CENPL: variants seen among roughly 807,000 people sequenced by gnomAD.
CENPL encodes the protein centromere protein L, also known as interphase centromere complex protein 33.
A neutral mutation model predicts 35.2 loss-of-function variants in CENPL; 20 were observed. That is an observed-to-expected ratio of 0.57 (90% CI 0.40 to 0.83). The LOEUF is 0.83. CENPL is among the 40% of genes least tolerant of loss of function. CENPL has a pLI of 0.00. For synonymous variants in CENPL, 140 were observed against 140.6 expected, an observed-to-expected ratio of 1.00 and a Z score of 0.03; for missense variants, 363 against 395.8, an observed-to-expected ratio of 0.92 and a Z score of 0.70.
At position 173,807,342 on chromosome 1, in the gene CENPL, G is replaced by A; in HGVS notation, c.345C>T (p.Phe115=). ...GAGTAGAAAAAATCACTTTGATGTT[G>A]AAGTCTTCTCCCACTTCCACAGCAA... ...KGLAVEVGED[F]NIKVIFSTLL... The change falls in exon 4 of 6, where the codon TTC becomes TTT. Residue 115 remains phenylalanine, a synonymous_variant. Coordinates refer to ENST00000682279, the MANE Select transcript of CENPL (RefSeq NM_001387287.1). The A allele has an allele frequency of 6.2e-7, 1 of 1,613,562 alleles. No homozygotes were observed. Among genetic ancestry groups the A allele is most frequent in the South Asian group, 1.1e-5 (1 of 91,026 alleles).
At chr1:173,817,112 T>C (rs1187090386) in intron 2 of CENPL, among the ~76,000 whole-genome samples, 1 of 151,372 alleles carries the variant, frequency 6.6e-6, no homozygotes, top group African/African-American at 2.4e-5. Context: ...CACTCTAGCC[T>C]GGGTGACAGA....
chr1:173,805,850 T>A (rs867385852), intron 4 of CENPL, among the ~76,000 whole-genome samples: 10 of 152,128 alleles, frequency 6.6e-5, no homozygotes, highest in Middle Eastern at 3.4e-3. Flanking sequence ...CACTTTTTTT[T>A]TAAAAAAAGA....
chr1:173,823,736 C>T (rs1214960518), intron 2 of CENPL, 190 bp downstream of exon 2: 1 of 152,196 alleles, frequency 6.6e-6, no homozygotes, highest in African/African-American at 2.4e-5. Context: ...CGTGAAGGGG[C>T]TCTGACTTGA....
At position 173,800,097 on chromosome 1, in the gene CENPL, T is replaced by C. The variant is rs748234543; in HGVS notation, c.*351A>G. 2.1e-4 allele frequency: 33 copies of C among 155,736 alleles called. No individual in the cohort carries two copies. Among genetic ancestry groups the C allele is most frequent in the Non-Finnish European group, 3.7e-4 (26 of 70,398 alleles). The allele number at this position is 155,736 out of a possible 1,614,324, so 9.6% of individuals were successfully genotyped here. On this transcript the variant is annotated 3_prime_UTR_variant, in exon 6 of 6. Transcript: ENST00000682279. ...CTGGTCTTGAATTCCTGGCCTCAAA[T>C]GATCCACCCACCTCAGCCTCCCAAA...
chr1:173,809,870 G>C (rs182876337), intron 3 of CENPL, among the ~76,000 whole-genome samples: 1 of 152,160 alleles, frequency 6.6e-6, no homozygotes, highest in South Asian at 2.1e-4. Flanking sequence ...ACAGATGCTG[G>C]TGAGGTTGTG....
chr1:173,803,366 T>C lies in CENPL; in HGVS notation c.560A>G (p.Asn187Ser). ...DFTCLPLFLA[N>S]GAESNTAIIG... ...TATTGCTGTGTTAGACTCTGCTCCA[T>C]TTGCAAGGAATAAGGGCAGACAGGT... The change falls in exon 5 of 6, where the codon AAT becomes AGT. Residue 187 changes from asparagine (N) to serine (S), a missense_variant. By Grantham distance (46) the Asn-to-Ser change is conservative. Coordinates refer to ENST00000682279, the MANE Select transcript of CENPL (RefSeq NM_001387287.1). The C allele has an allele frequency of 6.2e-7, 1 of 1,614,108 alleles. No individual in the cohort carries two copies. Among genetic ancestry groups the C allele is most frequent in the Non-Finnish European group, 8.5e-7 (1 of 1,179,956 alleles).
At chr1:173,820,460 G>A (rs1651839279) in intron 2 of CENPL, among the ~76,000 whole-genome samples, 1 of 152,138 alleles carries the variant, frequency 6.6e-6, no homozygotes, top group Non-Finnish European at 1.5e-5. Context: ...AGGCTGCAGT[G>A]AGCTATGATC....
chr1:173,816,714 C>T (rs1453906047), intron 2 of CENPL, among the ~76,000 whole-genome samples: 2 of 152,084 alleles, frequency 1.3e-5, no homozygotes. Flanking sequence ...AATGTTAGAC[C>T]TAAAACCATA....
chr1:173,800,225 TTA>T lies in CENPL; in HGVS notation c.*221_*222del, dbSNP rs1463639858. 1 of 346,928 alleles carries T rather than the reference TTA, an allele frequency of 2.9e-6. No homozygotes were observed. Among genetic ancestry groups the T allele is most frequent in the Non-Finnish European group, 5.4e-6 (1 of 186,700 alleles). The allele number at this position is 346,928 out of a possible 1,614,324, so 21.5% of individuals were successfully genotyped here. On this transcript the variant is annotated 3_prime_UTR_variant, in exon 6 of 6. Coordinates refer to ENST00000682279, the MANE Select transcript of CENPL (RefSeq NM_001387287.1). ...AGCATTTTGAGAATGGCATGTCAGG[TTA>T]TCATGATTAGTACATGGGCACCTGG...
intron 4 of CENPL, 100 bp from the exon 5 acceptor site, chr1:173,803,605 TAATA>T: frequency 1.9e-6 from 2 of 1,069,162 alleles, no homozygotes; most frequent in South Asian, 3.5e-5. Context: ...CGAGCCAATG[TAATA>T]CTTGCAAAAA....
intron 2 of CENPL, among the ~76,000 whole-genome samples, chr1:173,818,025 G>A (rs1651584259): frequency 6.6e-6 from 1 of 151,920 alleles, no homozygotes; most frequent in South Asian, 2.1e-4. Flanking sequence ...GCTGGGGGAG[G>A]GATAGCATTA....
chr1:173,807,964 A>G (rs1213127763), intron 3 of CENPL, among the ~76,000 whole-genome samples: 4 of 152,204 alleles, frequency 2.6e-5, no homozygotes, highest in Non-Finnish European at 5.9e-5. Context: ...GATTTTGTCT[A>G]TTTAGTTCTC....
chr1:173,819,993 G>T (rs528690888), intron 2 of CENPL, among the ~76,000 whole-genome samples: 1 of 151,906 alleles, frequency 6.6e-6, no homozygotes, highest in Non-Finnish European at 1.5e-5. Flanking sequence ...GTGAGCCACC[G>T]CACTCGGCCC....
intron 2 of CENPL, among the ~76,000 whole-genome samples, chr1:173,817,383 A>C (rs954270981): frequency 1.3e-5 from 2 of 152,268 alleles, no homozygotes; most frequent in African/African-American, 4.8e-5. Flanking sequence ...ACATTTATGA[A>C]GCCAACAAAC....
intron 3 of CENPL, among the ~76,000 whole-genome samples, chr1:173,809,902 A>G (rs577669730): frequency 1.8e-3 from 272 of 152,340 alleles, no homozygotes; most frequent in Non-Finnish European, 3.0e-3. Context: ...ATGCTTATAC[A>G]TTGTTGGTAG....
chr1:173,799,665 G>T lies in CENPL; in HGVS notation c.*783C>A, dbSNP rs1168332886. On this transcript the variant is annotated 3_prime_UTR_variant, in exon 6 of 6. Transcript: ENST00000682279. The stretch of plus-strand genomic sequence containing the variant: ...ATATTAATCTTTAGTTCCCTTTTGA[G>T]GGGATTTTGATTGCCAGTTCTCCGC... 1 of 152,144 alleles carries T rather than the reference G, an allele frequency of 6.6e-6. No homozygotes were observed. The highest frequency in any genetic ancestry group is 2.4e-5 in the African/African-American group (1 of 41,428). The allele number at this position is 152,144 out of a possible 1,614,324, so 9.4% of individuals were successfully genotyped here. A position where few individuals can be genotyped will look rare whatever the true frequency, so the allele number is the denominator to read the frequency against.
chr1:173,812,422 G>C (rs762414545), intron 2 of CENPL, among the ~76,000 whole-genome samples: 1 of 152,174 alleles, frequency 6.6e-6, no homozygotes, highest in African/African-American at 2.4e-5. Context: ...AGTAGGGGCC[G>C]ACTGACACCT....
intron 2 of CENPL, among the ~76,000 whole-genome samples, chr1:173,817,506 C>T (rs1651522202): frequency 6.6e-6 from 1 of 152,204 alleles, no homozygotes. Context: ...CAGGAAACAA[C>T]AGATGCTGGA....
chr1:173,808,293 C>T (rs376295599), intron 3 of CENPL, among the ~76,000 whole-genome samples: 68 of 151,970 alleles, frequency 4.5e-4, no homozygotes, highest in African/African-American at 1.6e-3. Context: ...ACCTGTAATC[C>T]CAGCTACTCA....
Sources: allele counts gnomAD v4.1 joint callset (sites outside exome capture counted in the v4.1 genomes callset), GRCh38; gene constraint gnomAD v4.1.1; transcripts MANE v1.5; gene names NCBI Gene and HGNC (gene_info 2026-07-23, HGNC 2026-07-21).